EPHA6: variants seen among roughly 807,000 people sequenced by gnomAD.
EPHA6 encodes ephrin type-A receptor 6.
Under a neutral mutation model 112.0 loss-of-function variants are expected in EPHA6, and 50 were observed. The observed-to-expected ratio is 0.45, with a 90% CI of 0.36 to 0.56. EPHA6 has a LOEUF of 0.56. Ranked by LOEUF, EPHA6 falls within the 20% of genes least tolerant of loss-of-function variation. The probability of loss-of-function intolerance (pLI) is 0.00; values close to 1 mark genes in which losing one functional copy is unlikely to be tolerated. For synonymous variants in EPHA6, 529 were observed against 490.7 expected, an observed-to-expected ratio of 1.08 and a Z score of -1.03; for missense variants, 1,280 against 1,417.4, an observed-to-expected ratio of 0.90 and a Z score of 1.56.
chr3:97,636,111 A>G (rs573499368), intron 13 of EPHA6, among the ~76,000 whole-genome samples: 11 of 152,246 alleles, frequency 7.2e-5, no homozygotes, highest in South Asian at 4.1e-4. Context: ...CTCTATTCTC[A>G]TCGTGTAGAT....
chr3:96,964,866 T>C (rs748056012), intron 2 of EPHA6, among the ~76,000 whole-genome samples: 2 of 152,212 alleles, frequency 1.3e-5, no homozygotes, highest in Non-Finnish European at 2.9e-5. Flanking sequence ...TCTTCATCAA[T>C]AGTATTGTCA....
At chr3:97,405,333 TTGAGC>T in intron 6 of EPHA6, 59 bp downstream of exon 6, 4 of 1,436,128 alleles carry the variant, frequency 2.8e-6, no homozygotes, top group Non-Finnish European at 3.8e-6. Context: ...TATGTATATA[TTGAGC>T]ATGTCGTTAT....
intron 1 of EPHA6, among the ~76,000 whole-genome samples, chr3:96,856,196 C>T (rs1479230702): frequency 2.6e-5 from 4 of 151,686 alleles, no homozygotes; most frequent in South Asian, 2.1e-4. Flanking sequence ...GCGGAGATCG[C>T]GCCACTGCAC....
At chr3:96,915,840 G>C (rs2039457394) in intron 2 of EPHA6, among the ~76,000 whole-genome samples, 1 of 151,968 alleles carries the variant, frequency 6.6e-6, no homozygotes. Context: ...ATAACCCTAT[G>C]AAATAGGTAC....
In EPHA6 at chr3:97,592,751, G is replaced by A; in HGVS notation, c.2512+14G>A. On this transcript the variant is annotated intron_variant, in intron 12 of 17. Coordinates refer to ENST00000389672, the MANE Select transcript of EPHA6 (RefSeq NM_001080448.3). ...GGATTCCTGCTGGTAGGTATTTCAG[G>A]TGAAGTTTTCTGCCACCATATACAG... is the stretch of plus-strand genomic sequence containing the variant. 6.4e-7 allele frequency: 1 copy of A among 1,571,692 alleles called. No individual in the cohort carries two copies. Among genetic ancestry groups the A allele is most frequent in the Non-Finnish European group, 8.6e-7 (1 of 1,164,398 alleles).
Position 97,614,542 on chromosome 3 carries a change from C to T in EPHA6, c.2574+3688C>T, listed in dbSNP as rs188575629. On this transcript the variant is annotated intron_variant, in intron 13 of 17. Coordinates refer to ENST00000389672, the MANE Select transcript of EPHA6 (RefSeq NM_001080448.3). ...TTTTTTTTTTGTATTTTAGAAGAGA[C>T]GGGGTTTCACCACATTGGCCAGGAT... Among the ~76,000 whole-genome samples, 16 of 135,356 alleles carry T rather than the reference C, an allele frequency of 1.2e-4. No homozygotes were observed. The East Asian group carries it at 1.3e-3, about 11-fold the overall frequency. The allele number at this position is 135,356 out of a possible 152,430, so 88.8% of individuals were successfully genotyped here.
At position 97,321,714 on chromosome 3, in the gene EPHA6, T is replaced by C. The variant is rs560460515; in HGVS notation, c.1606+77427T>C. ...AAATAAACCAGGGACTTCTATTGAA[T>C]TGTGAATAATTTAAGTGTAAATAGA... On this transcript the variant is annotated intron_variant, in intron 5 of 17. Coordinates refer to ENST00000389672, the MANE Select transcript of EPHA6 (RefSeq NM_001080448.3). Among the ~76,000 whole-genome samples the C allele has an allele frequency of 3.8e-4, 58 of 152,056 alleles. 1 individual carries two copies. Among genetic ancestry groups the C allele is most frequent in the African/African-American group, 1.3e-3 (53 of 41,470 alleles).
chr3:97,305,883 T>C (rs2081298843), intron 5 of EPHA6, among the ~76,000 whole-genome samples: 1 of 151,676 alleles, frequency 6.6e-6, no homozygotes, highest in African/African-American at 2.4e-5. Context: ...TTAAATTAAA[T>C]TTTAAAATTT....
chr3:97,619,437 G>T lies in EPHA6; in HGVS notation c.2574+8583G>T, dbSNP rs903856876. 4.8e-5 allele frequency among the ~76,000 whole-genome samples: 7 copies of T among 146,348 alleles called. 1 individual carries two copies. The highest frequency in any genetic ancestry group is 3.5e-3 in the Middle Eastern group (1 of 286). On this transcript the variant is annotated intron_variant, in intron 13 of 17. Transcript: ENST00000389672. ...GAGCAATCAGACAATAGAAAAAGGG[G>T]GGGGGGGGCATCCAAATAGGAAGAG... is the stretch of plus-strand genomic sequence containing the variant.
intron 6 of EPHA6, among the ~76,000 whole-genome samples, chr3:97,405,989 C>G (rs1317308153): frequency 2.0e-5 from 3 of 151,978 alleles, no homozygotes; most frequent in Non-Finnish European, 4.4e-5. Flanking sequence ...ACCACATAGT[C>G]AATTCTGAAG....
chr3:97,570,912 C>T (rs892691125), intron 11 of EPHA6, among the ~76,000 whole-genome samples: 8 of 152,132 alleles, frequency 5.3e-5, no homozygotes, highest in African/African-American at 1.7e-4. Context: ...AAATAATCCC[C>T]TTCCACCAGC....
intron 3 of EPHA6, among the ~76,000 whole-genome samples, chr3:97,168,125 GT>G (rs1368074697): frequency 6.6e-6 from 1 of 152,008 alleles, no homozygotes; most frequent in East Asian, 1.9e-4. Context: ...AAATAATTCT[GT>G]TTATAGTTTT....
At chr3:97,239,679 G>C (rs1232932937) in intron 4 of EPHA6, among the ~76,000 whole-genome samples, 3 of 151,736 alleles carry the variant, frequency 2.0e-5, no homozygotes, top group African/African-American at 7.3e-5. Flanking sequence ...AGTAAGCTGA[G>C]GAGGAGGAGA....
At chr3:97,682,719 A>C (rs1005298637) in intron 14 of EPHA6, among the ~76,000 whole-genome samples, 2 of 152,208 alleles carry the variant, frequency 1.3e-5, no homozygotes, top group African/African-American at 2.4e-5. Flanking sequence ...CCCACCGTGC[A>C]CAGTATATAT....
At chr3:97,711,183 C>T (rs2033948691) in intron 14 of EPHA6, among the ~76,000 whole-genome samples, 1 of 152,070 alleles carries the variant, frequency 6.6e-6, no homozygotes, top group Non-Finnish European at 1.5e-5. Context: ...GGGAGTTTCC[C>T]TTCACAAGCT....
intron 5 of EPHA6, among the ~76,000 whole-genome samples, chr3:97,276,961 C>T (rs1051555727): frequency 4.6e-5 from 7 of 151,936 alleles, no homozygotes; most frequent in East Asian, 3.9e-4. Context: ...TGAGGAGGGG[C>T]GGTGATAAAA....
In EPHA6 at chr3:97,751,584, A is replaced by G. The variant is rs918656111; in HGVS notation, c.*2883A>G. Among the ~76,000 whole-genome samples, 1 of 152,152 alleles carries G rather than the reference A, an allele frequency of 6.6e-6. No homozygotes were observed. The highest frequency in any genetic ancestry group is 2.1e-4 in the South Asian group (1 of 4,832). ...GACCCCATGATCCCAGGAATATTAC[A>G]ATATTCAGGAATATAAACAGTTAAA... is the stretch of plus-strand genomic sequence containing the variant. On this transcript the variant is annotated 3_prime_UTR_variant, in exon 18 of 18. Transcript: ENST00000389672.
At chr3:96,946,459 A>G (rs541804762) in intron 2 of EPHA6, among the ~76,000 whole-genome samples, 1 of 152,204 alleles carries the variant, frequency 6.6e-6, no homozygotes, top group Admixed American at 6.5e-5. Flanking sequence ...TTTGCTGAGA[A>G]TGATGGTTTC....
intron 3 of EPHA6, among the ~76,000 whole-genome samples, chr3:97,065,406 A>C (rs564848347): frequency 5.7e-4 from 87 of 152,242 alleles, no homozygotes; most frequent in Non-Finnish European, 9.9e-4. Flanking sequence ...TATTTAGATA[A>C]AATATTAGAT....
Sources: gnomAD v4.1 joint callset for allele counts (sites outside exome capture counted in the v4.1 genomes callset) on GRCh38, gnomAD v4.1.1 for gene constraint, MANE v1.5 for transcripts, NCBI Gene and HGNC (gene_info 2026-07-23, HGNC 2026-07-21) for gene names.